RBFOX3: variants seen among roughly 807,000 people sequenced by gnomAD.
RBFOX3 encodes RNA binding fox-1 homolog 3.
Under a neutral mutation model 48.7 loss-of-function variants are expected in RBFOX3, and 17 were observed. The observed-to-expected ratio is 0.35, with a 90% CI of 0.24 to 0.52. The LOEUF is 0.52. RBFOX3 is among the 20% of genes least tolerant of loss of function. The pLI, the probability that RBFOX3 is intolerant of heterozygous loss-of-function variation, is 0.94. For missense variants in RBFOX3, 382 were observed against 497.5 expected, an observed-to-expected ratio of 0.77 and a Z score of 2.21; for synonymous variants, 212 against 209.5, an observed-to-expected ratio of 1.01 and a Z score of -0.10.
intron 2 of RBFOX3, among the ~76,000 whole-genome samples, chr17:79,442,804 C>G (rs1211087758): frequency 6.6e-6 from 1 of 152,092 alleles, no homozygotes; most frequent in African/African-American, 2.4e-5. Context: ...GGGAGGACAC[C>G]TCCCAGAAGA....
At position 79,143,244 on chromosome 17, in the gene RBFOX3, TC is replaced by T. The variant is rs548560274; in HGVS notation, c.-33-27497del. Among the ~76,000 whole-genome samples the T allele has an allele frequency of 2.3e-3, 343 of 152,126 alleles. 1 individual carries two copies. Among genetic ancestry groups the T allele is most frequent in the Non-Finnish European group, 3.7e-3 (251 of 67,980 alleles). The stretch of plus-strand genomic sequence containing the variant: ...TCTTGGCTGTGCCAGCTCGCCCGAG[TC>T]CACCCCGTTCTCTGCCCACCCTGCC... On this transcript the variant is annotated intron_variant, in intron 4 of 14. Coordinates refer to ENST00000693108, the MANE Select transcript of RBFOX3 (RefSeq NM_001350451.2).
chr17:79,560,406 G>T (rs2092133214), intron 1 of RBFOX3, among the ~76,000 whole-genome samples: 1 of 152,158 alleles, frequency 6.6e-6, no homozygotes, highest in Admixed American at 6.5e-5. Context: ...CCTGCTGGCG[G>T]AAGGTGTGAG....
chr17:79,656,767 A>AGAGAGAGAGAGAGAC, the RBFOX3 span, among the ~76,000 whole-genome samples: 11 of 93,000 alleles, frequency 1.2e-4, no homozygotes, highest in African/African-American at 4.0e-4. Flanking sequence ...GGAAGGAAGG[A>AGAGAGAGAGAGAGAC]AGGAAGGAAG....
rs1224748543 is a variant in RBFOX3, at chr17:79,477,021, T to C, written c.-175+5433A>G. On this transcript the variant is annotated intron_variant, in intron 2 of 14. Coordinates refer to ENST00000693108, the MANE Select transcript of RBFOX3 (RefSeq NM_001350451.2). This position sits in a 1 kb window ranked among gnomAD's most constrained non-coding sequence, Gnocchi z 4.8. Reference sequence around the variant, plus strand: ...GCCTAGGTGGGTGGATCACTTGAGGTCAGGAGTTCGAGACCAGCCTGGCCA... The same window carrying C: ...GCCTAGGTGGGTGGATCACTTGAGGCCAGGAGTTCGAGACCAGCCTGGCCA... Among the ~76,000 whole-genome samples, 1 of 150,188 alleles carries C rather than the reference T, an allele frequency of 6.7e-6. No individual in the cohort carries two copies. The highest frequency in any genetic ancestry group is 1.5e-5 in the Non-Finnish European group (1 of 67,656).
Position 79,361,045 on chromosome 17 carries a change from T to G in RBFOX3, c.-174-53221A>C, listed in dbSNP as rs1017224400. On this transcript the variant is annotated intron_variant, in intron 2 of 14. Coordinates refer to ENST00000693108, the MANE Select transcript of RBFOX3 (RefSeq NM_001350451.2). This position sits in a 1 kb window ranked among gnomAD's most constrained non-coding sequence, Gnocchi z 4.5. ...GAACATCAGCTTTTGGAAACAGAAG[T>G]TCACGTCTCAGGCAAAGGAAGGGAA... Among the ~76,000 whole-genome samples, 4 of 151,920 alleles carry G rather than the reference T, an allele frequency of 2.6e-5. No individual in the cohort carries two copies. Among genetic ancestry groups the G allele is most frequent in the Non-Finnish European group, 4.4e-5 (3 of 67,962 alleles).
At chr17:79,101,096 C>T (rs1424998236) in intron 9 of RBFOX3, among the ~76,000 whole-genome samples, 2 of 152,186 alleles carry the variant, frequency 1.3e-5, no homozygotes, top group Non-Finnish European at 2.9e-5. Flanking sequence ...TGTCACTATT[C>T]CTGTTTTGCA....
chr17:79,144,507 G>A (rs975957775), intron 4 of RBFOX3, among the ~76,000 whole-genome samples: 3 of 152,184 alleles, frequency 2.0e-5, no homozygotes, highest in Non-Finnish European at 4.4e-5. Context: ...GTTTCTAGAA[G>A]CTCAAGCATG....
chr17:79,219,404 GCA>G lies in RBFOX3; in HGVS notation c.-34+16360_-34+16361del, dbSNP rs142118751. Among the ~76,000 whole-genome samples the G allele has an allele frequency of 2.6e-5, 4 of 152,158 alleles. No homozygotes were observed. In the South Asian group the frequency reaches 8.3e-4, roughly 32 times the overall value. ...AAAGTGTGTGCATGTGCGTGCGCGT[GCA>G]CACACACACAAAGACACACAGACAC... On this transcript the variant is annotated intron_variant, in intron 4 of 14. Transcript: ENST00000693108.
chr17:79,500,961 C>T (rs1598958291), intron 1 of RBFOX3, among the ~76,000 whole-genome samples: 2 of 152,100 alleles, frequency 1.3e-5, no homozygotes, highest in East Asian at 1.9e-4. Flanking sequence ...GGCTCTCAGA[C>T]GTGGGAAGTA....
At chr17:79,191,313 T>G (rs746849442) in intron 4 of RBFOX3, among the ~76,000 whole-genome samples, 3 of 152,174 alleles carry the variant, frequency 2.0e-5, no homozygotes, top group Non-Finnish European at 2.9e-5. Flanking sequence ...AGTTAGGACC[T>G]TCAAACTCTG....
Position 79,428,493 on chromosome 17 carries a change from A to T in RBFOX3, c.-175+53961T>A, listed in dbSNP as rs145038125. Among the ~76,000 whole-genome samples, 7 of 152,362 alleles carry T rather than the reference A, an allele frequency of 4.6e-5. No individual in the cohort carries two copies. In the East Asian group the frequency reaches 1.2e-3, roughly 25 times the overall value. On this transcript the variant is annotated intron_variant, in intron 2 of 14. Transcript: ENST00000693108. ...TGGTCTCAACTTTTTACTTGTCCCTAACACGGGGCTGCTGTCCCCTGAACA... is the reference window on the plus strand; with the variant it reads ...TGGTCTCAACTTTTTACTTGTCCCTTACACGGGGCTGCTGTCCCCTGAACA...
intron 3 of RBFOX3, among the ~76,000 whole-genome samples, chr17:79,272,295 T>C (rs2889620): frequency 0.63 from 96,435 of 152,050 alleles, 30,924 homozygotes; most frequent in East Asian, 0.8. Context: ...ACCCTCACAT[T>C]CTGTTTGCAG....
At chr17:79,557,041 C>T (rs1275815733) in intron 1 of RBFOX3, among the ~76,000 whole-genome samples, 1 of 151,972 alleles carries the variant, frequency 6.6e-6, no homozygotes, top group African/African-American at 2.4e-5. Flanking sequence ...GTCAGGAGTT[C>T]AAGACCAGCC....
intron 2 of RBFOX3, chr17:79,424,223 A>T (rs547202579): frequency 6.6e-6 from 1 of 152,472 alleles, no homozygotes; most frequent in East Asian, 1.9e-4. Flanking sequence ...ATGAACACAC[A>T]GTAGGGGCTC....
At chr17:79,235,054 C>T (rs1249261955) in intron 4 of RBFOX3, 3 of 152,118 alleles carry the variant, frequency 2.0e-5, no homozygotes, top group Non-Finnish European at 4.4e-5. Flanking sequence ...TTTTGACTTA[C>T]AATATTTTCA....
At chr17:79,241,051 C>T (rs2062293550) in intron 3 of RBFOX3, among the ~76,000 whole-genome samples, 1 of 152,198 alleles carries the variant, frequency 6.6e-6, no homozygotes, top group Non-Finnish European at 1.5e-5. Flanking sequence ...TCATAGCTCA[C>T]TGCAGCCTCC....
At chr17:79,505,979 C>T (rs1252125671) in intron 1 of RBFOX3, among the ~76,000 whole-genome samples, 1 of 152,202 alleles carries the variant, frequency 6.6e-6, no homozygotes. Flanking sequence ...TAAGTGGCTA[C>T]AGGTGGATTC....
At chr17:79,542,613 G>A (rs552604983) in intron 1 of RBFOX3, among the ~76,000 whole-genome samples, 49 of 152,194 alleles carry the variant, frequency 3.2e-4, no homozygotes, top group African/African-American at 1.2e-3. Flanking sequence ...GCAAAACCCC[G>A]TCTCTACTAA....
At chr17:79,439,295 C>T (rs999703907) in intron 2 of RBFOX3, among the ~76,000 whole-genome samples, 1 of 152,210 alleles carries the variant, frequency 6.6e-6, no homozygotes, top group Non-Finnish European at 1.5e-5. Context: ...CTCCTGATGC[C>T]CATGCAGTGG....
Sources: gnomAD v4.1 joint callset for allele counts (sites outside exome capture counted in the v4.1 genomes callset) on GRCh38, gnomAD v4.1.1 for gene constraint, Gnocchi (gnomAD v3.1) non-coding constraint, MANE v1.5 for transcripts, NCBI Gene and HGNC (gene_info 2026-07-23, HGNC 2026-07-21) for gene names.